ERP44: variants seen among roughly 807,000 people sequenced by gnomAD.
The protein encoded by ERP44 is endoplasmic reticulum protein 44.
ERP44 carries 25 observed loss-of-function variants against 53.4 expected under a neutral mutation model. The ratio of observed to expected loss-of-function variants is 0.47; its 90% CI spans 0.34 to 0.65. The LOEUF is 0.65. ERP44 is among the 30% of genes least tolerant of loss of function. The pLI, the probability that ERP44 is intolerant of heterozygous loss-of-function variation, is 0.01. For synonymous variants in ERP44, 145 were observed against 161.2 expected, an observed-to-expected ratio of 0.90 and a Z score of 0.76; for missense variants, 338 against 493.2, an observed-to-expected ratio of 0.69 and a Z score of 2.98.
intron 1 of ERP44, among the ~76,000 whole-genome samples, chr9:100,077,593 A>G (rs1399075490): frequency 2.6e-5 from 4 of 152,214 alleles, no homozygotes; most frequent in Non-Finnish European, 4.4e-5. Flanking sequence ...TTGTGTTCCC[A>G]CAACATTACG....
chr9:100,047,331 G>A (rs1264510604), intron 4 of ERP44, among the ~76,000 whole-genome samples: 1 of 152,116 alleles, frequency 6.6e-6, no homozygotes, highest in Admixed American at 6.5e-5. Context: ...CATACTGCAA[G>A]ACTACAGTAA....
chr9:99,988,406 A>C (rs1460260517), intron 10 of ERP44, among the ~76,000 whole-genome samples: 1 of 152,214 alleles, frequency 6.6e-6, no homozygotes. Flanking sequence ...TCTTACATAT[A>C]GGTACATGAT....
In ERP44 at chr9:99,980,554, G is replaced by C. The variant is rs1830138209; in HGVS notation, c.*2058C>G. On this transcript the variant is annotated 3_prime_UTR_variant, in exon 12 of 12. Transcript: ENST00000262455. ...AGCTTAGTGACTTTTTATAAAATTA[G>C]GCACCAAGTCCTAATGAGTGCTGAG... 6.6e-6 allele frequency: 1 copy of C among 152,296 alleles called. No homozygotes were observed. The highest frequency in any genetic ancestry group is 6.5e-5 in the Admixed American group (1 of 15,274). The allele number at this position is 152,296 out of a possible 1,614,324, so 9.4% of individuals were successfully genotyped here. A position where few individuals can be genotyped will look rare whatever the true frequency, so the allele number is the denominator to read the frequency against.
Position 100,022,052 on chromosome 9 carries a change from G to C in ERP44, c.461C>G (p.Thr154Ser), listed in dbSNP as rs368684865. The C allele has an allele frequency of 1.2e-6, 2 of 1,612,222 alleles. No homozygotes were observed. Among genetic ancestry groups the C allele is most frequent in the Non-Finnish European group, 1.7e-6 (2 of 1,179,340 alleles). The change falls in exon 5 of 12, where the codon ACC (threonine) becomes AGC (serine). Residue 154 changes from threonine (T) to serine (S), a missense_variant. Around this residue, in one of 3 missense-constraint regions of ERP44, gnomAD observed 224 missense variants for 301.4 expected, o/e 0.74. Coordinates refer to ENST00000262455, the MANE Select transcript of ERP44 (RefSeq NM_015051.3). ...IQEIRDLAEI[T>S]TLDRSKRNII... ...AAAGTTACAACTTACATCAAGAGTG[G>C]TGATTTCTGCTAAGTCCCGAATTTC...
intron 1 of ERP44, among the ~76,000 whole-genome samples, chr9:100,092,159 C>CA (rs1826566161): frequency 1.3e-5 from 2 of 152,134 alleles, no homozygotes; most frequent in African/African-American, 4.8e-5. Flanking sequence ...TCTATGGAAT[C>CA]AAAGTTAGGC....
chr9:100,035,905 G>A (rs1047338542), intron 4 of ERP44, among the ~76,000 whole-genome samples: 3 of 152,126 alleles, frequency 2.0e-5, no homozygotes, highest in Non-Finnish European at 4.4e-5. Context: ...AACAGATGAT[G>A]GCAAGGCTGA....
intron 8 of ERP44, among the ~76,000 whole-genome samples, chr9:100,014,152 A>G (rs1830505311): frequency 6.6e-6 from 1 of 152,236 alleles, no homozygotes; most frequent in Non-Finnish European, 1.5e-5. Context: ...GAAGGAAGAC[A>G]AGGGGTTTGG....
intron 6 of ERP44, among the ~76,000 whole-genome samples, chr9:100,019,895 C>T (rs1354643427): frequency 6.6e-6 from 1 of 152,040 alleles, no homozygotes; most frequent in Non-Finnish European, 1.5e-5. Flanking sequence ...TGAAAGTTAG[C>T]TTCCAAAAGG....
At chr9:100,037,625 G>A (rs777234257) in intron 4 of ERP44, among the ~76,000 whole-genome samples, 9 of 152,070 alleles carry the variant, frequency 5.9e-5, no homozygotes, top group Non-Finnish European at 7.4e-5. Context: ...GAATGTTGAG[G>A]ACTTTGTCTC....
chr9:100,063,777 C>G (rs960516152), intron 1 of ERP44, among the ~76,000 whole-genome samples: 1 of 152,154 alleles, frequency 6.6e-6, no homozygotes, highest in Admixed American at 6.5e-5. Flanking sequence ...CTTGGTCATT[C>G]TCTCCAGCTT....
At chr9:100,064,236 T>G (rs1037898982) in intron 1 of ERP44, among the ~76,000 whole-genome samples, 8 of 152,130 alleles carry the variant, frequency 5.3e-5, no homozygotes, top group South Asian at 2.1e-4. Flanking sequence ...CTTATTCAAT[T>G]TTGTATCCCA....
intron 10 of ERP44, among the ~76,000 whole-genome samples, chr9:99,990,367 C>T (rs1274936926): frequency 1.3e-5 from 2 of 152,170 alleles, no homozygotes; most frequent in African/African-American, 4.8e-5. Flanking sequence ...ATTCAACATT[C>T]TCAAAGAAAA....
At chr9:100,000,414 T>A (rs937261667) in intron 10 of ERP44, among the ~76,000 whole-genome samples, 2 of 144,104 alleles carry the variant, frequency 1.4e-5, no homozygotes, top group Non-Finnish European at 3.0e-5. Flanking sequence ...CCAGCCTGAG[T>A]GATAAAGCAA....
In ERP44 at chr9:100,087,950, G is replaced by A. The variant is rs935078746; in HGVS notation, c.57+10834C>T. ...GTACCATGAAAGTGTTATCACTTTCGGGAATCAAAAAACACGTCAGGAAAT... is the reference window on the plus strand; with the variant it reads ...GTACCATGAAAGTGTTATCACTTTCAGGAATCAAAAAACACGTCAGGAAAT... On this transcript the variant is annotated intron_variant, in intron 1 of 11. Coordinates refer to ENST00000262455, the MANE Select transcript of ERP44 (RefSeq NM_015051.3). Among the ~76,000 whole-genome samples, 11 of 151,870 alleles carry A rather than the reference G, an allele frequency of 7.2e-5. No individual in the cohort carries two copies. The Middle Eastern group carries it at 0.01, about 141-fold the overall frequency.
intron 10 of ERP44, chr9:99,998,729 C>G (rs1218946094): frequency 2.8e-6 from 2 of 726,474 alleles, no homozygotes; most frequent in African/African-American, 1.8e-5. Context: ...TTTTTTGCAT[C>G]TCTTTTCTTT....
intron 10 of ERP44, among the ~76,000 whole-genome samples, chr9:100,004,189 G>T (rs1389693254): frequency 6.6e-6 from 1 of 152,170 alleles, no homozygotes; most frequent in African/African-American, 2.4e-5. Context: ...TCTAGCCTGG[G>T]TCCTGGGGCT....
intron 4 of ERP44, among the ~76,000 whole-genome samples, chr9:100,037,638 A>G (rs1318515144): frequency 6.6e-6 from 1 of 152,126 alleles, no homozygotes. Flanking sequence ...TTTGTCTCGC[A>G]TCTGGGATAC....
intron 8 of ERP44, among the ~76,000 whole-genome samples, chr9:100,013,513 C>T (rs1478702133): frequency 1.3e-5 from 2 of 151,874 alleles, no homozygotes; most frequent in Non-Finnish European, 1.5e-5. Context: ...TTTTCTTCTA[C>T]GACCATCTGT....
At chr9:100,084,595 T>C (rs1826461454) in intron 1 of ERP44, among the ~76,000 whole-genome samples, 1 of 152,240 alleles carries the variant, frequency 6.6e-6, no homozygotes, top group African/African-American at 2.4e-5. Flanking sequence ...AAGACACCCT[T>C]GTTGCTTCTT....
Sources: gnomAD v4.1 joint callset for allele counts (sites outside exome capture counted in the v4.1 genomes callset) on GRCh38, gnomAD v4.1.1 for gene constraint, gnomAD v4.1.1 regional missense constraint, MANE v1.5 for transcripts, NCBI Gene and HGNC (gene_info 2026-07-23, HGNC 2026-07-21) for gene names.